Variants in TNS3 observed in about 807,000 individuals in gnomAD.
TNS3 encodes tensin 3.
A neutral mutation model predicts 140.9 loss-of-function variants in TNS3; 45 were observed. That is an observed-to-expected ratio of 0.32 (90% CI 0.25 to 0.41). TNS3 has a LOEUF of 0.41. Among genes scored for constraint, TNS3 ranks in the 10% least tolerant of loss-of-function variants. The probability of loss-of-function intolerance (pLI) is 1.00; values close to 1 mark genes in which losing one functional copy is unlikely to be tolerated. For missense variants in TNS3, 1,716 were observed against 1,906.7 expected (o/e 0.90, Z 1.86); for synonymous variants, 815 against 788.4 (o/e 1.03, Z -0.56).
At chr7:47,519,312 T>C (rs886324850) in intron 2 of TNS3, among the ~76,000 whole-genome samples, 5 of 147,246 alleles carry the variant, frequency 3.4e-5, no homozygotes, top group Admixed American at 1.4e-4. Flanking sequence ...CCATCAGATA[T>C]TCAAAGGGAT....
chr7:47,396,283 A>G (rs1792822755), intron 16 of TNS3, among the ~76,000 whole-genome samples: 1 of 152,142 alleles, frequency 6.6e-6, no homozygotes, highest in East Asian at 1.9e-4. Flanking sequence ...TGCATATTAC[A>G]CAGGTGAACA....
intron 30 of TNS3, 194 bp from the exon 31 acceptor site, chr7:47,278,414 G>A (rs1467394296): frequency 3.3e-6 from 2 of 615,340 alleles, no homozygotes; most frequent in Non-Finnish European, 5.6e-6. Context: ...CAGATGGGAT[G>A]TCTGACTCTA....
chr7:47,365,964 G>T (rs979193302), intron 17 of TNS3, among the ~76,000 whole-genome samples: 2 of 152,078 alleles, frequency 1.3e-5, no homozygotes, highest in Admixed American at 1.3e-4. Context: ...GTTAACCTAA[G>T]CCAAGAGACT....
At chr7:47,570,487 T>C (rs1333340318) in intron 1 of TNS3, among the ~76,000 whole-genome samples, 1 of 152,250 alleles carries the variant, frequency 6.6e-6, no homozygotes, top group East Asian at 1.9e-4. Context: ...GTCTGTAAGA[T>C]GAGTTGTAAA....
At position 47,553,897 on chromosome 7, in the gene TNS3, G is replaced by A. The variant is rs12671622; in HGVS notation, c.-264-24750C>T. Among the ~76,000 whole-genome samples, 58 of 151,802 alleles carry A rather than the reference G, an allele frequency of 3.8e-4. No individual in the cohort carries two copies. The East Asian group carries it at 9.2e-3, about 24-fold the overall frequency. On this transcript the variant is annotated intron_variant, in intron 1 of 30. Transcript: ENST00000311160. Reference sequence around the variant, plus strand: ...TCCGGCTCACTGCAACCTCCACCTCGAGGTTCAAGCGATTTTCCTGCCTCA... The same window carrying A: ...TCCGGCTCACTGCAACCTCCACCTCAAGGTTCAAGCGATTTTCCTGCCTCA...
chr7:47,581,137 C>T (rs1784521226), intron 1 of TNS3, among the ~76,000 whole-genome samples: 1 of 152,036 alleles, frequency 6.6e-6, no homozygotes, highest in African/African-American at 2.4e-5. Context: ...AATCTCTTCC[C>T]GCCACAGACA....
At chr7:47,561,425 C>A (rs1178782460) in intron 1 of TNS3, among the ~76,000 whole-genome samples, 1 of 152,208 alleles carries the variant, frequency 6.6e-6, no homozygotes, top group African/African-American at 2.4e-5. Context: ...AACTTCTCTA[C>A]TTTCCAGAAT....
At chr7:47,514,210 G>T (rs955556445) in intron 2 of TNS3, among the ~76,000 whole-genome samples, 1 of 152,216 alleles carries the variant, frequency 6.6e-6, no homozygotes, top group Admixed American at 6.5e-5. Context: ...GCGGGGGACC[G>T]CCAGACAAGG....
intron 1 of TNS3, among the ~76,000 whole-genome samples, chr7:47,537,169 C>G (rs1197462478): frequency 6.6e-6 from 1 of 152,020 alleles, no homozygotes; most frequent in Admixed American, 6.5e-5. Context: ...GCTGACCCCT[C>G]CCCAGCGGCT....
At chr7:47,468,324 G>A (rs1192735200) in intron 4 of TNS3, among the ~76,000 whole-genome samples, 6 of 152,034 alleles carry the variant, frequency 3.9e-5, no homozygotes, top group Non-Finnish European at 8.8e-5. Context: ...GCATATAATC[G>A]CAGCTACTCG....
intron 2 of TNS3, 27 bp downstream of exon 2, chr7:47,529,005 ATCAG>A (rs1454042545): frequency 8.3e-7 from 1 of 1,202,840 alleles, no homozygotes; most frequent in Non-Finnish European, 1.1e-6. Flanking sequence ...CTCTGGATTA[ATCAG>A]TGAGAGAATC....
rs1786498136 is a variant in TNS3, at chr7:47,303,024, C to T, written c.3383G>A (p.Ser1128Asn). 1 of 1,614,100 alleles carries T rather than the reference C, an allele frequency of 6.2e-7. No homozygotes were observed. Among genetic ancestry groups the T allele is most frequent in the Non-Finnish European group, 8.5e-7 (1 of 1,180,002 alleles). ...ATTTGGGAAGGGGATACTGATGGTG[C>T]TCCCGCTGTGCGGGCTGGAGAAGCC... ...SSGFSSPHSGSTISIPFPNVL... is the reference protein window; with the variant it reads ...SSGFSSPHSGNTISIPFPNVL... Residue 1128 changes from serine to asparagine, a missense_variant, in exon 22 of 31, where the codon AGC becomes AAC. This residue lies in a region of TNS3 where 1,163 missense variants were observed against 1,182.1 expected (regional missense o/e 0.98). Coordinates refer to ENST00000311160, the MANE Select transcript of TNS3 (RefSeq NM_022748.12).
intron 4 of TNS3, among the ~76,000 whole-genome samples, chr7:47,474,145 C>CA (rs759545966): frequency 2.2e-5 from 3 of 137,276 alleles, no homozygotes; most frequent in Non-Finnish European, 3.2e-5. Context: ...CACACACACA[C>CA]AACACACATA....
intron 4 of TNS3, among the ~76,000 whole-genome samples, chr7:47,474,242 A>G (rs1157840106): frequency 6.6e-6 from 1 of 150,732 alleles, no homozygotes; most frequent in Non-Finnish European, 1.5e-5. Context: ...AACACCTCAC[A>G]AACAATACAC....
chr7:47,464,829 G>A (rs969985912), intron 4 of TNS3, among the ~76,000 whole-genome samples: 1 of 152,140 alleles, frequency 6.6e-6, no homozygotes, highest in Non-Finnish European at 1.5e-5. Context: ...ACCCTAAGAA[G>A]GAACACTGCA....
At chr7:47,356,732 C>A (rs1790013608) in intron 17 of TNS3, among the ~76,000 whole-genome samples, 1 of 152,090 alleles carries the variant, frequency 6.6e-6, no homozygotes, top group Non-Finnish European at 1.5e-5. Context: ...AACAAAATAT[C>A]ATGTTAAACA....
At chr7:47,527,778 G>A (rs938299997) in intron 2 of TNS3, among the ~76,000 whole-genome samples, 4 of 152,064 alleles carry the variant, frequency 2.6e-5, no homozygotes, top group Non-Finnish European at 5.9e-5. Context: ...GGCATGTGGC[G>A]CATGCCTATA....
At chr7:47,469,939 AC>A (rs1211455903) in intron 4 of TNS3, among the ~76,000 whole-genome samples, 2 of 135,148 alleles carry the variant, frequency 1.5e-5, no homozygotes, top group African/African-American at 2.8e-5. Flanking sequence ...GTTCCACTGC[AC>A]TCCAGCCTGG....
intron 2 of TNS3, among the ~76,000 whole-genome samples, chr7:47,524,827 A>AAAAAAAAAC (rs1799131626): frequency 6.8e-6 from 1 of 147,240 alleles, no homozygotes; most frequent in Non-Finnish European, 1.5e-5. Context: ...AAAAAAAAAA[A>AAAAAAAAAC]AAAAAAAAAG....
Sources: gnomAD v4.1 joint callset for allele counts (sites outside exome capture counted in the v4.1 genomes callset) on GRCh38, gnomAD v4.1.1 for gene constraint, gnomAD v4.1.1 regional missense constraint, MANE v1.5 for transcripts, NCBI Gene and HGNC (gene_info 2026-07-23, HGNC 2026-07-21) for gene names.